The following C12orf42 variants were observed in gnomAD, a reference collection of about 807,000 sequenced individuals.
C12orf42 encodes the protein chromosome 12 open reading frame 42.
Under a neutral mutation model 21.6 loss-of-function variants are expected in C12orf42, and 25 were observed. That is an observed-to-expected ratio of 1.16 (90% CI 0.84 to 1.62). The LOEUF (loss-of-function observed/expected upper bound fraction) is 1.62. C12orf42 is among the 40% of genes most tolerant of loss of function. The pLI is 0.00. For synonymous variants in C12orf42, 174 were observed against 175.0 expected (o/e 0.99, Z 0.05); for missense variants, 483 against 459.3 (o/e 1.05, Z -0.47).
chr12:103,292,031 C>A (rs1227551799), intron 4 of C12orf42, among the ~76,000 whole-genome samples: 2 of 152,056 alleles, frequency 1.3e-5, no homozygotes, highest in Non-Finnish European at 2.9e-5. Flanking sequence ...GTCCATTAAC[C>A]AATCAATGGA....
the C12orf42 span, among the ~76,000 whole-genome samples, chr12:103,197,998 C>A: frequency 6.6e-6 from 1 of 152,250 alleles, no homozygotes; most frequent in South Asian, 2.1e-4. Flanking sequence ...GGGGTCCCAG[C>A]AAAAGTGTTT....
chr12:103,167,326 T>C, the C12orf42 span, among the ~76,000 whole-genome samples: 1 of 152,210 alleles, frequency 6.6e-6, no homozygotes, highest in Non-Finnish European at 1.5e-5. Flanking sequence ...TTTGGCTTAC[T>C]TTCCTAAGCC....
At chr12:103,085,947 C>T in the C12orf42 span, among the ~76,000 whole-genome samples, 1 of 152,188 alleles carries the variant, frequency 6.6e-6, no homozygotes, top group Non-Finnish European at 1.5e-5. Flanking sequence ...CGCCAAGCTC[C>T]ATACAGAATG....
chr12:103,522,511 C>T, the C12orf42 span, among the ~76,000 whole-genome samples: 3,660 of 152,262 alleles, frequency 0.024, 172 homozygotes, highest in African/African-American at 0.084. Context: ...CTCTCCAGCA[C>T]AGCCCCAGCC....
chr12:103,162,783 G>C, the C12orf42 span: 1 of 152,130 alleles, frequency 6.6e-6, no homozygotes, highest in African/African-American at 2.4e-5. Context: ...GCCAAGGTTT[G>C]GAACATAAAG....
chr12:103,338,967 A>G (rs1463202871), intron 4 of C12orf42, among the ~76,000 whole-genome samples: 4 of 152,244 alleles, frequency 2.6e-5, no homozygotes, highest in Non-Finnish European at 4.4e-5. Flanking sequence ...AAGATACACT[A>G]AAAAGTACAT....
the C12orf42 span, among the ~76,000 whole-genome samples, chr12:103,100,224 G>A: frequency 2.8e-4 from 42 of 152,196 alleles, 1 homozygote; most frequent in Non-Finnish European, 8.8e-5. Flanking sequence ...ACTTTGGCGG[G>A]CAATCTTGCC....
chr12:103,218,388 T>C, the C12orf42 span, among the ~76,000 whole-genome samples: 1 of 152,172 alleles, frequency 6.6e-6, no homozygotes, highest in African/African-American at 2.4e-5. Context: ...TTGCACAATA[T>C]TGGCACTTAA....
At chr12:103,459,177 C>G (rs1349162434) in intron 2 of C12orf42, among the ~76,000 whole-genome samples, 1 of 152,200 alleles carries the variant, frequency 6.6e-6, no homozygotes, top group African/African-American at 2.4e-5. Flanking sequence ...CTCAGTCTCT[C>G]TGCCATACTT....
At chr12:103,420,878 G>A (rs1000149188) in intron 2 of C12orf42, among the ~76,000 whole-genome samples, 9 of 152,142 alleles carry the variant, frequency 5.9e-5, no homozygotes, top group Non-Finnish European at 1.3e-4. Flanking sequence ...ATTATTTGTG[G>A]TTATGAATAA....
intron 10 of C12orf42, among the ~76,000 whole-genome samples, chr12:103,244,887 C>G (rs2136178569): frequency 6.6e-6 from 1 of 152,148 alleles, no homozygotes; most frequent in Non-Finnish European, 1.5e-5. Flanking sequence ...TTCTGAGGTA[C>G]ATGGACATCT....
chr12:103,174,743 C>T, the C12orf42 span, among the ~76,000 whole-genome samples: 1 of 152,112 alleles, frequency 6.6e-6, no homozygotes, highest in East Asian at 1.9e-4. Context: ...ATACCTAATT[C>T]ATTTTCAAAT....
intron 5 of C12orf42, among the ~76,000 whole-genome samples, chr12:103,273,282 A>G (rs2035574207): frequency 6.6e-6 from 1 of 152,180 alleles, no homozygotes; most frequent in Non-Finnish European, 1.5e-5. Flanking sequence ...TTCTTTTTTC[A>G]CATAGAGTCA....
chr12:103,340,895 C>T (rs529002209), intron 4 of C12orf42, among the ~76,000 whole-genome samples: 4 of 152,122 alleles, frequency 2.6e-5, no homozygotes, highest in East Asian at 3.9e-4. Context: ...GGGGGGATCA[C>T]GAGGTCAGGA....
the C12orf42 span, among the ~76,000 whole-genome samples, chr12:103,530,628 G>GGC: frequency 6.6e-6 from 1 of 151,770 alleles, no homozygotes; most frequent in South Asian, 2.1e-4. Flanking sequence ...CAAGTGTTCG[G>GGC]GGGGGGAAAA....
the C12orf42 span, among the ~76,000 whole-genome samples, chr12:103,196,341 G>A: frequency 6.6e-6 from 1 of 152,092 alleles, no homozygotes; most frequent in Admixed American, 6.5e-5. Flanking sequence ...GTTCAGAATT[G>A]TTTTATCACT....
At chr12:103,272,449 C>T (rs187694510) in intron 5 of C12orf42, among the ~76,000 whole-genome samples, 413 of 152,234 alleles carry the variant, frequency 2.7e-3, no homozygotes, top group African/African-American at 9.1e-3. Context: ...GAAGATCATT[C>T]GATTTCTTAC....
the C12orf42 span, among the ~76,000 whole-genome samples, chr12:103,068,776 C>G: frequency 6.6e-6 from 1 of 150,744 alleles, no homozygotes; most frequent in Non-Finnish European, 1.5e-5. Context: ...TTCTTCAGCT[C>G]TGGGACTCAG....
At chr12:103,213,965 C>A in the C12orf42 span, among the ~76,000 whole-genome samples, 3 of 152,260 alleles carry the variant, frequency 2.0e-5, no homozygotes, top group East Asian at 5.8e-4. Context: ...ATTTTTAAGT[C>A]CTGTTTGTTC....
Sources: gnomAD v4.1 joint callset for allele counts (sites outside exome capture counted in the v4.1 genomes callset) on GRCh38, gnomAD v4.1.1 for gene constraint, MANE v1.5 for transcripts, NCBI Gene and HGNC (gene_info 2026-07-23, HGNC 2026-07-21) for gene names.